Variants in LAMA2 observed in about 807,000 individuals in gnomAD.
LAMA2 encodes the protein laminin subunit alpha 2, also known as laminin subunit alpha-2.
In LAMA2, 269 loss-of-function variants were observed where a neutral mutation model predicts 364.8. The ratio of observed to expected loss-of-function variants is 0.74; its 90% CI spans 0.67 to 0.82. LAMA2 has a LOEUF of 0.82. Ranked by LOEUF, LAMA2 falls within the 40% of genes least tolerant of loss-of-function variation. LAMA2 has a pLI of 0.00. For missense variants in LAMA2, 3,807 were observed against 3,873.2 expected (o/e 0.98, Z 0.45); for synonymous variants, 1,379 against 1,370.6 (o/e 1.01, Z -0.14).
At chr6:129,009,861 T>G (rs979953499) in intron 1 of LAMA2, among the ~76,000 whole-genome samples, 1 of 151,872 alleles carries the variant, frequency 6.6e-6, no homozygotes, top group Admixed American at 6.6e-5. Context: ...ATGACGGGAG[T>G]ATGCTTTCTT....
At chr6:129,473,998 CAT>C (rs1208479527) in intron 52 of LAMA2, among the ~76,000 whole-genome samples, 1 of 151,972 alleles carries the variant, frequency 6.6e-6, no homozygotes, top group African/African-American at 2.4e-5. Flanking sequence ...CATTATAAAA[CAT>C]AACATAGTCT....
intron 12 of LAMA2, among the ~76,000 whole-genome samples, chr6:129,214,750 T>C (rs1057283515): frequency 6.6e-6 from 1 of 152,176 alleles, no homozygotes; most frequent in Non-Finnish European, 1.5e-5. Flanking sequence ...TTTAATGATG[T>C]GTTGGCTGTT....
chr6:128,936,877 T>C (rs1286336937), intron 1 of LAMA2, among the ~76,000 whole-genome samples: 2 of 152,134 alleles, frequency 1.3e-5, no homozygotes, highest in African/African-American at 4.8e-5. Flanking sequence ...CCCTTGATTA[T>C]TGAGCTATGA....
intron 1 of LAMA2, among the ~76,000 whole-genome samples, chr6:128,941,253 A>C (rs190822200): frequency 1.3e-5 from 2 of 152,362 alleles, no homozygotes; most frequent in African/African-American, 4.8e-5. Flanking sequence ...TTCAACAAAC[A>C]CTGACTGATT....
rs892229868 is a variant in LAMA2, at chr6:129,177,816, G to A, written c.1417G>A (p.Gly473Arg). Reference protein sequence around the residue: ...YPDCKACNCSGLGSKNEDPCF... With the variant: ...YPDCKACNCSRLGSKNEDPCF... ...GGACTGCAAAGCCTGTAACTGCAGTGGGTTAGGGAGCAAAAATGAGGATCC... is the reference window on the plus strand; with the variant it reads ...GGACTGCAAAGCCTGTAACTGCAGTAGGTTAGGGAGCAAAAATGAGGATCC... The change falls in exon 10 of 65, where the codon GGG (glycine) becomes AGG (arginine). Residue 473 changes from glycine to arginine, a missense_variant. Gly to Arg is a moderately radical substitution (Grantham distance 125). Transcript: ENST00000421865. 3 of 1,613,936 alleles carry A rather than the reference G, an allele frequency of 1.9e-6. No homozygotes were observed. The highest frequency in any genetic ancestry group is 2.5e-6 in the Non-Finnish European group (3 of 1,179,918).
intron 1 of LAMA2, among the ~76,000 whole-genome samples, chr6:128,993,753 A>T (rs1783753829): frequency 6.6e-6 from 1 of 152,174 alleles, no homozygotes; most frequent in African/African-American, 2.4e-5. Context: ...GAGATCTATG[A>T]AAGAAGGGAA....
chr6:128,899,862 C>T (rs1392044458), intron 1 of LAMA2, among the ~76,000 whole-genome samples: 1 of 151,860 alleles, frequency 6.6e-6, no homozygotes, highest in Non-Finnish European at 1.5e-5. Context: ...TTGGCTTAGT[C>T]AGAACTTTTC....
chr6:129,316,662 G>GA (rs1285434578), intron 27 of LAMA2, among the ~76,000 whole-genome samples: 2 of 152,128 alleles, frequency 1.3e-5, no homozygotes, highest in Non-Finnish European at 1.5e-5. Context: ...GAATCACTTT[G>GA]AAAAAAATCA....
At chr6:129,161,854 A>G (rs1172555211) in intron 8 of LAMA2, among the ~76,000 whole-genome samples, 2 of 152,174 alleles carry the variant, frequency 1.3e-5, no homozygotes, top group East Asian at 3.8e-4. Context: ...ATGGCTGTGT[A>G]GTATTCCATG....
In LAMA2 at chr6:129,092,638, T is replaced by C. The variant is rs192411207; in HGVS notation, c.397-5535T>C. On this transcript the variant is annotated intron_variant, in intron 3 of 64. Transcript: ENST00000421865. ...CATTTTCGTTCCATGCACATCAATT[T>C]GCTATAGGAGTTCAGGGACAAATAG... Among the ~76,000 whole-genome samples, 502 of 152,324 alleles carry C rather than the reference T, an allele frequency of 3.3e-3. 1 individual carries two copies. The highest frequency in any genetic ancestry group is 0.012 in the African/African-American group (481 of 41,568).
In LAMA2 at chr6:128,991,933, A is replaced by G. The variant is rs1170514299; in HGVS notation, c.113-57985A>G. Among the ~76,000 whole-genome samples the G allele has an allele frequency of 2.6e-5, 4 of 152,226 alleles. No individual in the cohort carries two copies. The East Asian group carries it at 7.7e-4, about 29-fold the overall frequency. ...TGTCTACATTATTTTAAATCATAGC[A>G]TAGATTTTCCACTGTGCTTTATGAC... On this transcript the variant is annotated intron_variant, in intron 1 of 64. Coordinates refer to ENST00000421865, the MANE Select transcript of LAMA2 (RefSeq NM_000426.4).
chr6:129,358,991 T>C (rs1374119705), intron 32 of LAMA2, among the ~76,000 whole-genome samples: 2 of 151,968 alleles, frequency 1.3e-5, no homozygotes, highest in Non-Finnish European at 2.9e-5. Context: ...AACACTCTGG[T>C]TGTGACTATT....
At chr6:129,374,992 CT>C (rs111243436) in intron 34 of LAMA2, among the ~76,000 whole-genome samples, 12,303 of 152,022 alleles carry the variant, frequency 0.081, 601 homozygotes, top group Admixed American at 0.14. Flanking sequence ...TCCTGCATGA[CT>C]GCTGTAGGAG....
rs189249679 is a variant in LAMA2 at position 129,217,333 on chromosome 6, T to G, written c.1782+24480T>G. ...TTTTCTATAATCAGTCTATGTCTATTAGATGTGTAATTATATTAATTATGT... is the reference window on the plus strand; with the variant it reads ...TTTTCTATAATCAGTCTATGTCTATGAGATGTGTAATTATATTAATTATGT... On this transcript the variant is annotated intron_variant, in intron 12 of 64. Transcript: ENST00000421865. Among the ~76,000 whole-genome samples, 450 of 152,322 alleles carry G rather than the reference T, an allele frequency of 3.0e-3. 2 individuals carry two copies. Among genetic ancestry groups the G allele is most frequent in the African/African-American group, 0.01 (426 of 41,580 alleles).
intron 12 of LAMA2, among the ~76,000 whole-genome samples, chr6:129,225,589 A>T (rs1380039574): frequency 1.3e-5 from 2 of 152,084 alleles, no homozygotes; most frequent in Non-Finnish European, 2.9e-5. Flanking sequence ...ATTTCGTTAT[A>T]TACCCAGTAG....
At chr6:129,342,558 T>C (rs1583536608) in intron 30 of LAMA2, 91 bp downstream of exon 30, 2 of 1,275,380 alleles carry the variant, frequency 1.6e-6, no homozygotes, top group East Asian at 2.4e-5. Context: ...TTTTTCCATG[T>C]AGACAAAAAT....
chr6:129,190,447 C>A, intron 11 of LAMA2, 102 bp downstream of exon 11: 1 of 1,172,244 alleles, frequency 8.5e-7, no homozygotes. Flanking sequence ...TGAACTTCTA[C>A]ATAAAGTTAC....
chr6:128,915,215 A>G (rs938888279), intron 1 of LAMA2, among the ~76,000 whole-genome samples: 1 of 152,206 alleles, frequency 6.6e-6, no homozygotes, highest in Non-Finnish European at 1.5e-5. Flanking sequence ...CCTCCGTCAA[A>G]ATGTTTTGTA....
intron 34 of LAMA2, among the ~76,000 whole-genome samples, chr6:129,381,948 C>T (rs1032821536): frequency 4.6e-5 from 7 of 152,196 alleles, no homozygotes; most frequent in Non-Finnish European, 8.8e-5. Context: ...AATTAAACCT[C>T]TTGCTGCCCT....
Sources: allele counts gnomAD v4.1 joint callset (sites outside exome capture counted in the v4.1 genomes callset), GRCh38; gene constraint gnomAD v4.1.1; transcripts MANE v1.5; gene names NCBI Gene and HGNC (gene_info 2026-07-23, HGNC 2026-07-21).